The following KIF26B variants were observed in gnomAD, a reference collection of about 807,000 sequenced individuals.
The protein encoded by KIF26B is kinesin family member 26B, also known as kinesin-like protein KIF26B.
A neutral mutation model predicts 151.2 loss-of-function variants in KIF26B; 63 were observed. That is an observed-to-expected ratio of 0.42 (90% CI 0.34 to 0.51). The LOEUF is 0.51. KIF26B is among the 20% of genes least tolerant of loss of function. The probability of loss-of-function intolerance (pLI) is 0.07; values close to 1 mark genes in which losing one functional copy is unlikely to be tolerated. For synonymous variants in KIF26B, 1,357 were observed against 1,262.1 expected, an observed-to-expected ratio of 1.08 and a Z score of -1.59; for missense variants, 2,813 against 2,913.6, an observed-to-expected ratio of 0.97 and a Z score of 0.79.
At chr1:245,213,521 A>C (rs1294604379) in intron 2 of KIF26B, among the ~76,000 whole-genome samples, 1 of 152,176 alleles carries the variant, frequency 6.6e-6, no homozygotes, top group Admixed American at 6.5e-5. Flanking sequence ...GGCAGACCTA[A>C]AGCAGAGGTA....
intron 2 of KIF26B, among the ~76,000 whole-genome samples, chr1:245,289,522 G>A (rs145635863): frequency 1.3e-5 from 2 of 152,302 alleles, no homozygotes; most frequent in East Asian, 3.9e-4. Context: ...GCGACATCAA[G>A]GGTGAAAATT....
chr1:245,231,285 T>C (rs1669991938), intron 2 of KIF26B, among the ~76,000 whole-genome samples: 1 of 152,014 alleles, frequency 6.6e-6, no homozygotes, highest in South Asian at 2.1e-4. Flanking sequence ...GAGGCTGAGG[T>C]GGGCAGATCA....
chr1:245,207,254 AGGGTG>A (rs990126067), intron 2 of KIF26B, among the ~76,000 whole-genome samples: 222 of 152,370 alleles, frequency 1.5e-3, no homozygotes, highest in African/African-American at 4.9e-3. Flanking sequence ...CTTCTGCAGA[AGGGTG>A]CTTCTCACAG....
chr1:245,565,179 T>C (rs1182337044), intron 5 of KIF26B, among the ~76,000 whole-genome samples: 1 of 152,214 alleles, frequency 6.6e-6, no homozygotes, highest in East Asian at 1.9e-4. Context: ...TTTGGGAATT[T>C]ACTATGGTGA....
intron 2 of KIF26B, among the ~76,000 whole-genome samples, chr1:245,299,739 T>C (rs906193057): frequency 6.6e-6 from 1 of 152,180 alleles, no homozygotes; most frequent in Non-Finnish European, 1.5e-5. Context: ...TCCAGAATGC[T>C]TTCTACCGTT....
intron 4 of KIF26B, among the ~76,000 whole-genome samples, chr1:245,528,331 C>G (rs1277810941): frequency 6.6e-6 from 1 of 152,126 alleles, no homozygotes; most frequent in African/African-American, 2.4e-5. Flanking sequence ...AGGTGCACGG[C>G]GGCTGTCAGG....
At chr1:245,459,372 C>T (rs558752610) in intron 4 of KIF26B, among the ~76,000 whole-genome samples, 1 of 152,262 alleles carries the variant, frequency 6.6e-6, no homozygotes, top group East Asian at 1.9e-4. Flanking sequence ...CAGGGTGGGC[C>T]TGTAACTCCT....
At position 245,458,221 on chromosome 1, in the gene KIF26B, C is replaced by T. The variant is rs530030075; in HGVS notation, c.1166+38476C>T. ...GCCCACTCAAACCCCTCGGCAGTGT[C>T]GTTCTCAAGCCCTCTCTCTTAACCC... On this transcript the variant is annotated intron_variant, in intron 4 of 14. Transcript: ENST00000407071. Among the ~76,000 whole-genome samples, 28 of 152,304 alleles carry T rather than the reference C, an allele frequency of 1.8e-4. No homozygotes were observed. In the South Asian group the frequency reaches 5.2e-3, roughly 28 times the overall value.
At chr1:245,304,393 A>T (rs1671497762) in intron 2 of KIF26B, among the ~76,000 whole-genome samples, 1 of 152,220 alleles carries the variant, frequency 6.6e-6, no homozygotes, top group African/African-American at 2.4e-5. Context: ...CGATTGGGGA[A>T]TCAGGAGGAT....
intron 2 of KIF26B, among the ~76,000 whole-genome samples, chr1:245,289,661 GTGGAGGTGTGTTCAAT>G (rs1157182120): frequency 1.3e-5 from 2 of 149,734 alleles, no homozygotes; most frequent in Non-Finnish European, 3.0e-5. Flanking sequence ...TTTTTTGGGG[GTGGAGGTGTGTTCAAT>G]TGAAACTTTT....
chr1:245,415,964 T>A (rs1674405964), intron 3 of KIF26B, among the ~76,000 whole-genome samples: 1 of 151,852 alleles, frequency 6.6e-6, no homozygotes, highest in African/African-American at 2.4e-5. Flanking sequence ...GACTGTCATA[T>A]CTTAAGAATT....
intron 1 of KIF26B, among the ~76,000 whole-genome samples, chr1:245,155,911 A>G (rs1029604432): frequency 2.7e-5 from 4 of 149,180 alleles, no homozygotes; most frequent in Non-Finnish European, 5.9e-5. Context: ...TACCCCCCCC[A>G]TAGGGTCTTC....
Position 245,703,614 on chromosome 1 carries a change from A to T in KIF26B, c.*1008A>T, listed in dbSNP as rs902942310. The T allele has an allele frequency of 6.6e-6, 1 of 152,216 alleles. No individual in the cohort carries two copies. The highest frequency in any genetic ancestry group is 2.4e-5 in the African/African-American group (1 of 41,464). 9.4% of individuals were successfully genotyped at this position (152,216 alleles called of 1,614,324 possible). On this transcript the variant is annotated 3_prime_UTR_variant, in exon 15 of 15. Transcript: ENST00000407071. The stretch of plus-strand genomic sequence containing the variant: ...ATTCATATTCATTTTTATTCCAAAA[A>T]GTCTTGAACGAAAGCTGGAACCAAT...
chr1:245,325,441 C>T (rs573271300), intron 2 of KIF26B, among the ~76,000 whole-genome samples: 3 of 152,258 alleles, frequency 2.0e-5, no homozygotes, highest in African/African-American at 4.8e-5. Flanking sequence ...CAGCTGGGCG[C>T]GGTGGCTCAC....
chr1:245,552,541 T>G (rs1026207924), intron 5 of KIF26B, among the ~76,000 whole-genome samples: 3 of 152,022 alleles, frequency 2.0e-5, no homozygotes, highest in African/African-American at 7.3e-5. Context: ...TGGTTTCCAT[T>G]CTGTTGCGAT....
intron 9 of KIF26B, among the ~76,000 whole-genome samples, chr1:245,640,143 C>A (rs4658789): frequency 0.34 from 10,944 of 32,396 alleles, 2,822 homozygotes; most frequent in Middle Eastern, 0.49. Flanking sequence ...CTCTCTCTCT[C>A]TATATATATA....
chr1:245,374,430 G>A (rs969618764), intron 3 of KIF26B, among the ~76,000 whole-genome samples: 170 of 152,050 alleles, frequency 1.1e-3, no homozygotes, highest in African/African-American at 4.0e-3. Context: ...CTTCCCGGCC[G>A]AACCACTTTT....
At chr1:245,642,842 C>G (rs1297240098) in intron 9 of KIF26B, among the ~76,000 whole-genome samples, 1 of 152,108 alleles carries the variant, frequency 6.6e-6, no homozygotes, top group Non-Finnish European at 1.5e-5. Flanking sequence ...TGTGACTGGG[C>G]CCTCTTGGGA....
Position 245,688,076 on chromosome 1 carries a change from G to T in KIF26B, c.5093G>T (p.Gly1698Val). The change falls in exon 12 of 15, where the codon GGC (glycine) becomes GTC (valine). Residue 1698 changes from glycine to valine, a missense_variant. By Grantham distance (109) the Gly-to-Val change is moderately radical (BLOSUM62 -3). Transcript: ENST00000407071. ...TCCGTGAGCTCCCGGCTGCACGCGG[G>T]CAAGGACGGCACCATGCCCCGCGCG... ...LSSVSSRLHA[G>V]KDGTMPRAGR... is the part of the protein sequence containing the mutation. 6.4e-7 allele frequency: 1 copy of T among 1,552,588 alleles called. No individual in the cohort carries two copies. The highest frequency in any genetic ancestry group is 8.7e-7 in the Non-Finnish European group (1 of 1,149,346).
Sources: gnomAD v4.1 joint callset for allele counts (sites outside exome capture counted in the v4.1 genomes callset) on GRCh38, gnomAD v4.1.1 for gene constraint, MANE v1.5 for transcripts, NCBI Gene and HGNC (gene_info 2026-07-23, HGNC 2026-07-21) for gene names.